CREB5: variants seen among roughly 807,000 people sequenced by gnomAD.
CREB5 encodes the protein cyclic AMP-responsive element-binding protein 5.
A neutral mutation model predicts 57.1 loss-of-function variants in CREB5; 19 were observed. The observed-to-expected ratio is 0.33, with a 90% CI of 0.23 to 0.49. CREB5 has a LOEUF of 0.49. Ranked by LOEUF, CREB5 falls within the 20% of genes least tolerant of loss-of-function variation. The probability of loss-of-function intolerance (pLI) is 0.99; values close to 1 mark genes in which losing one functional copy is unlikely to be tolerated. For missense variants in CREB5, 579 were observed against 671.6 expected (o/e 0.86, Z 1.52); for synonymous variants, 238 against 238.3 (o/e 1.00, Z 0.01).
chr7:28,395,920 C>G (rs894422483), intron 1 of CREB5, among the ~76,000 whole-genome samples: 2 of 152,144 alleles, frequency 1.3e-5, no homozygotes, highest in East Asian at 1.9e-4. Flanking sequence ...ATTCCCTTGC[C>G]ACATAGTACA....
intron 7 of CREB5, among the ~76,000 whole-genome samples, chr7:28,757,119 C>G (rs1028307666): frequency 6.6e-6 from 1 of 152,316 alleles, no homozygotes; most frequent in African/African-American, 2.4e-5. Context: ...CTGAGCCAAG[C>G]ACTGTTCTAA....
intron 4 of CREB5, among the ~76,000 whole-genome samples, chr7:28,536,589 T>C (rs1266018643): frequency 6.6e-6 from 1 of 152,208 alleles, no homozygotes; most frequent in East Asian, 1.9e-4. Context: ...ACCTACTGAA[T>C]CAGGTTTACC....
chr7:28,358,430 G>A (rs559184529), intron 1 of CREB5, among the ~76,000 whole-genome samples: 18 of 152,252 alleles, frequency 1.2e-4, no homozygotes, highest in African/African-American at 3.1e-4. Flanking sequence ...GATGGTGTGC[G>A]GTCAGCATCA....
chr7:28,400,428 A>T (rs1018843476), intron 1 of CREB5, among the ~76,000 whole-genome samples: 3 of 152,234 alleles, frequency 2.0e-5, no homozygotes, highest in African/African-American at 7.2e-5. Context: ...AGACTTTGAC[A>T]TAGCATTAAA....
At chr7:28,429,611 GA>G (rs1405822699) in intron 1 of CREB5, among the ~76,000 whole-genome samples, 2 of 152,150 alleles carry the variant, frequency 1.3e-5, no homozygotes, top group Non-Finnish European at 2.9e-5. Context: ...AATATTTGAG[GA>G]GGGACTGGGC....
At chr7:28,629,947 T>C (rs1458621322) in intron 5 of CREB5, among the ~76,000 whole-genome samples, 1 of 152,130 alleles carries the variant, frequency 6.6e-6, no homozygotes, top group Non-Finnish European at 1.5e-5. Flanking sequence ...AAACATGGAC[T>C]CTCAATGTTG....
chr7:28,388,296 G>A (rs1787150876), intron 1 of CREB5, among the ~76,000 whole-genome samples: 1 of 152,164 alleles, frequency 6.6e-6, no homozygotes. Flanking sequence ...CAGAGCCCAG[G>A]CTGAGAAGAT....
intron 1 of CREB5, among the ~76,000 whole-genome samples, chr7:28,355,204 C>T (rs1042983843): frequency 1.3e-5 from 2 of 152,188 alleles, no homozygotes; most frequent in Non-Finnish European, 1.5e-5. Flanking sequence ...TGACAGGTTA[C>T]AAGACAGAGC....
intron 1 of CREB5, among the ~76,000 whole-genome samples, chr7:28,360,503 T>C (rs1403214240): frequency 1.3e-5 from 2 of 152,178 alleles, no homozygotes; most frequent in African/African-American, 4.8e-5. Context: ...CACTTATATG[T>C]TGAATCTAAA....
chr7:28,416,316 C>T (rs182008855), intron 1 of CREB5, among the ~76,000 whole-genome samples: 4 of 152,264 alleles, frequency 2.6e-5, no homozygotes, highest in Admixed American at 6.5e-5. Context: ...TGTTGGCTTC[C>T]TAAGGGGGAA....
chr7:28,347,462 A>C (rs1293732199), intron 1 of CREB5, among the ~76,000 whole-genome samples: 1 of 152,212 alleles, frequency 6.6e-6, no homozygotes, highest in African/African-American at 2.4e-5. Flanking sequence ...TCCCCTTTAA[A>C]AAATGAAGTG....
chr7:28,593,026 G>A (rs1005111752), intron 5 of CREB5, among the ~76,000 whole-genome samples: 1 of 152,108 alleles, frequency 6.6e-6, no homozygotes, highest in Non-Finnish European at 1.5e-5. Context: ...ACAGCATATC[G>A]CTCTAGCAGG....
chr7:28,532,278 G>A (rs1793763728), intron 4 of CREB5, among the ~76,000 whole-genome samples: 1 of 152,186 alleles, frequency 6.6e-6, no homozygotes, highest in Non-Finnish European at 1.5e-5. Context: ...GATGAATATA[G>A]CCCTGGCTGA....
intron 1 of CREB5, among the ~76,000 whole-genome samples, chr7:28,385,302 C>T (rs927015810): frequency 6.6e-6 from 1 of 152,034 alleles, no homozygotes; most frequent in Non-Finnish European, 1.5e-5. Flanking sequence ...ATCACCTTTA[C>T]TAGTTAACCA....
chr7:28,631,579 A>G (rs781106762), intron 5 of CREB5, among the ~76,000 whole-genome samples: 8 of 152,042 alleles, frequency 5.3e-5, no homozygotes, highest in Non-Finnish European at 8.8e-5. Context: ...GAGGGGATGA[A>G]GTCTCCCTCT....
intron 1 of CREB5, among the ~76,000 whole-genome samples, chr7:28,376,690 G>T: frequency 6.6e-6 from 1 of 152,160 alleles, no homozygotes; most frequent in East Asian, 1.9e-4. Flanking sequence ...TTCTATGTGG[G>T]TTATTTCCAG....
chr7:28,599,060 T>C (rs1203332046), intron 5 of CREB5, among the ~76,000 whole-genome samples: 1 of 152,128 alleles, frequency 6.6e-6, no homozygotes, highest in African/African-American at 2.4e-5. Context: ...GAAAAAGATG[T>C]TTGCCTTTGT....
At chr7:28,458,481 C>T (rs1790211768) in intron 1 of CREB5, among the ~76,000 whole-genome samples, 1 of 150,384 alleles carries the variant, frequency 6.6e-6, no homozygotes, top group Non-Finnish European at 1.5e-5. Flanking sequence ...AAGAAAAGGC[C>T]TTTTACTATT....
chr7:28,497,290 T>C (rs1792097601), intron 3 of CREB5, among the ~76,000 whole-genome samples: 2 of 152,254 alleles, frequency 1.3e-5, no homozygotes, highest in Non-Finnish European at 2.9e-5. Context: ...TTCTTCTATA[T>C]AGTGCCTAAA....
Sources: gnomAD v4.1 joint callset for allele counts (sites outside exome capture counted in the v4.1 genomes callset) on GRCh38, gnomAD v4.1.1 for gene constraint, MANE v1.5 for transcripts, NCBI Gene and HGNC (gene_info 2026-07-23, HGNC 2026-07-21) for gene names.